Variants in EPHA6 observed in about 807,000 individuals in gnomAD.
The protein encoded by EPHA6 is EPH receptor A6.
EPHA6 carries 50 observed loss-of-function variants against 112.0 expected under a neutral mutation model. The ratio of observed to expected loss-of-function variants is 0.45; its 90% CI spans 0.36 to 0.56. EPHA6 has a LOEUF of 0.56. EPHA6 is among the 20% of genes least tolerant of loss of function. The pLI, the probability that EPHA6 is intolerant of heterozygous loss-of-function variation, is 0.00. For missense variants in EPHA6, 1,280 were observed against 1,417.4 expected (o/e 0.90, Z 1.56); for synonymous variants, 529 against 490.7 (o/e 1.08, Z -1.03).
At chr3:97,499,926 T>A (rs1353808502) in intron 10 of EPHA6, among the ~76,000 whole-genome samples, 1 of 149,916 alleles carries the variant, frequency 6.7e-6, no homozygotes, top group Non-Finnish European at 1.5e-5. Flanking sequence ...AATACAAATA[T>A]TTTTTCTTCA....
At chr3:97,508,676 C>T (rs2092303832) in intron 10 of EPHA6, among the ~76,000 whole-genome samples, 1 of 152,104 alleles carries the variant, frequency 6.6e-6, no homozygotes, top group Non-Finnish European at 1.5e-5. Context: ...ATTAGGTCCA[C>T]TTGGTCCAGA....
chr3:97,575,181 G>A (rs761904786), intron 11 of EPHA6, among the ~76,000 whole-genome samples: 1 of 151,900 alleles, frequency 6.6e-6, no homozygotes, highest in Non-Finnish European at 1.5e-5. Context: ...TAGACTTGTG[G>A]TACACTATTT....
intron 3 of EPHA6, among the ~76,000 whole-genome samples, chr3:97,177,608 A>G (rs879517013): frequency 6.6e-6 from 1 of 150,382 alleles, no homozygotes; most frequent in Non-Finnish European, 1.5e-5. Flanking sequence ...TGCTGATTCA[A>G]CCCCTTTATA....
chr3:97,174,074 CT>C (rs2076769321), intron 3 of EPHA6, among the ~76,000 whole-genome samples: 1 of 149,774 alleles, frequency 6.7e-6, no homozygotes, highest in South Asian at 2.1e-4. Flanking sequence ...TCTTTCTACC[CT>C]GTATGTTCAT....
chr3:97,684,838 C>T (rs2032128952), intron 14 of EPHA6, among the ~76,000 whole-genome samples: 1 of 152,152 alleles, frequency 6.6e-6, no homozygotes, highest in Non-Finnish European at 1.5e-5. Flanking sequence ...GGATTCAGTT[C>T]ATTACAGATC....
At chr3:97,391,010 T>A (rs773622017) in intron 5 of EPHA6, among the ~76,000 whole-genome samples, 57 of 152,238 alleles carry the variant, frequency 3.7e-4, no homozygotes, top group Non-Finnish European at 5.7e-4. Flanking sequence ...CACAATAGAA[T>A]CATAGCATAA....
intron 3 of EPHA6, among the ~76,000 whole-genome samples, chr3:96,989,486 A>C (rs2043140082): frequency 6.6e-6 from 1 of 152,198 alleles, no homozygotes; most frequent in South Asian, 2.1e-4. Flanking sequence ...GAAAAACCAT[A>C]AATTATCCTG....
intron 14 of EPHA6, among the ~76,000 whole-genome samples, chr3:97,640,222 G>A (rs536280694): frequency 2.0e-3 from 305 of 152,168 alleles, no homozygotes; most frequent in Non-Finnish European, 3.7e-3. Context: ...AATTTATTAC[G>A]CTGACAGTTG....
intron 5 of EPHA6, among the ~76,000 whole-genome samples, chr3:97,385,753 G>A (rs965743366): frequency 6.6e-6 from 1 of 152,162 alleles, no homozygotes; most frequent in Non-Finnish European, 1.5e-5. Context: ...TTACATTCAT[G>A]GCAGAATGCA....
intron 5 of EPHA6, among the ~76,000 whole-genome samples, chr3:97,381,769 A>C (rs923543753): frequency 6.6e-6 from 1 of 152,130 alleles, no homozygotes; most frequent in Admixed American, 6.6e-5. Flanking sequence ...GCATCAAATA[A>C]TCATGCCTAA....
chr3:97,633,873 C>T (rs903686760), intron 13 of EPHA6, among the ~76,000 whole-genome samples: 2 of 152,032 alleles, frequency 1.3e-5, no homozygotes, highest in African/African-American at 4.8e-5. Flanking sequence ...TTGTGCTATA[C>T]CTCATGTATG....
intron 10 of EPHA6, among the ~76,000 whole-genome samples, chr3:97,517,642 A>G (rs141050251): frequency 6.6e-6 from 1 of 152,228 alleles, no homozygotes; most frequent in African/African-American, 2.4e-5. Flanking sequence ...ATATACAATC[A>G]TATTATTTAT....
intron 3 of EPHA6, among the ~76,000 whole-genome samples, chr3:97,098,012 A>C (rs1212658560): frequency 6.6e-6 from 1 of 151,956 alleles, no homozygotes; most frequent in East Asian, 1.9e-4. Flanking sequence ...TAGAAAACTT[A>C]AGTTATGAGA....
intron 3 of EPHA6, among the ~76,000 whole-genome samples, chr3:97,074,433 G>A (rs2046453453): frequency 6.6e-6 from 1 of 151,856 alleles, no homozygotes; most frequent in Admixed American, 6.6e-5. Flanking sequence ...CACTCAGGGA[G>A]TATTAAATAA....
chr3:97,048,226 G>T (rs2108076075), intron 3 of EPHA6, among the ~76,000 whole-genome samples: 1 of 152,280 alleles, frequency 6.6e-6, no homozygotes, highest in East Asian at 1.9e-4. Flanking sequence ...TCTTTTGAGA[G>T]AATTATTTTT....
chr3:97,170,736 C>CA (rs1250065629), intron 3 of EPHA6, among the ~76,000 whole-genome samples: 2 of 136,904 alleles, frequency 1.5e-5, no homozygotes, highest in African/African-American at 3.0e-5. Context: ...GCCGATGTCT[C>CA]AAAAAAGAAA....
chr3:96,884,864 C>T (rs1431004855), intron 2 of EPHA6, among the ~76,000 whole-genome samples: 1 of 152,126 alleles, frequency 6.6e-6, no homozygotes, highest in African/African-American at 2.4e-5. Context: ...GTGGGTTTGT[C>T]ATAGATGGCT....
At chr3:97,147,806 G>A (rs1403196804) in intron 3 of EPHA6, among the ~76,000 whole-genome samples, 1 of 151,944 alleles carries the variant, frequency 6.6e-6, no homozygotes, top group African/African-American at 2.4e-5. Flanking sequence ...ACAGACTCGG[G>A]GTGATAACAA....
chr3:96,944,716 A>AAGATCAAG (rs753293275), intron 2 of EPHA6, among the ~76,000 whole-genome samples: 3 of 152,160 alleles, frequency 2.0e-5, no homozygotes, highest in Non-Finnish European at 4.4e-5. Context: ...GTAAAATGGT[A>AAGATCAAG]AGATCAAGAG....
Sources: gnomAD v4.1 joint callset for allele counts (sites outside exome capture counted in the v4.1 genomes callset) on GRCh38, gnomAD v4.1.1 for gene constraint, MANE v1.5 for transcripts, NCBI Gene and HGNC (gene_info 2026-07-23, HGNC 2026-07-21) for gene names.